The following CRPPA variants were observed in gnomAD, a reference collection of about 807,000 sequenced individuals.
CRPPA encodes the protein D-ribitol-5-phosphate cytidylyltransferase.
A neutral mutation model predicts 52.0 loss-of-function variants in CRPPA; 43 were observed. That is an observed-to-expected ratio of 0.83 (90% CI 0.65 to 1.07). The LOEUF (loss-of-function observed/expected upper bound fraction) is 1.07, where lower values mean the gene tolerates loss of function less well. Ranked by LOEUF, CRPPA falls within the 50% of genes least tolerant of loss-of-function variation. The pLI is 0.00. For synonymous variants in CRPPA, 250 were observed against 203.5 expected, an observed-to-expected ratio of 1.23 and a Z score of -1.94; for missense variants, 629 against 551.7, an observed-to-expected ratio of 1.14 and a Z score of -1.40.
intron 2 of CRPPA, among the ~76,000 whole-genome samples, chr7:16,385,094 A>G (rs754455865): frequency 6.6e-6 from 1 of 152,224 alleles, no homozygotes; most frequent in Non-Finnish European, 1.5e-5. Flanking sequence ...ACTTACACTT[A>G]GATAAATAGA....
chr7:16,376,052 T>A, intron 3 of CRPPA, 40 bp downstream of exon 3: 2 of 1,538,864 alleles, frequency 1.3e-6, no homozygotes, highest in Non-Finnish European at 1.8e-6. Flanking sequence ...TTGGGGAACC[T>A]GACATAACAG....
chr7:16,364,759 C>T (rs962473547), intron 3 of CRPPA, among the ~76,000 whole-genome samples: 4 of 152,086 alleles, frequency 2.6e-5, no homozygotes, highest in African/African-American at 4.8e-5. Flanking sequence ...AAATTAAAAT[C>T]TGCCCATCAA....
At chr7:16,114,669 G>C (rs1418566260) in intron 9 of CRPPA, among the ~76,000 whole-genome samples, 1 of 151,896 alleles carries the variant, frequency 6.6e-6, no homozygotes, top group African/African-American at 2.4e-5. Flanking sequence ...CAAGGGAGAA[G>C]AAATATTTGG....
chr7:16,231,776 AC>A (rs1230759456), intron 8 of CRPPA, among the ~76,000 whole-genome samples: 2 of 152,204 alleles, frequency 1.3e-5, no homozygotes, highest in Non-Finnish European at 2.9e-5. Flanking sequence ...TTGTCTTTCT[AC>A]CTCAACCAAC....
chr7:16,089,681 C>G lies in CRPPA; in HGVS notation c.*2014G>C, dbSNP rs947107443. 5.1e-6 allele frequency: 1 copy of G among 195,882 alleles called. No individual in the cohort carries two copies. The highest frequency in any genetic ancestry group is 2.3e-5 in the African/African-American group (1 of 43,322). The allele number at this position is 195,882 out of a possible 1,614,324, so 12.1% of individuals were successfully genotyped here. A position where few individuals can be genotyped will look rare whatever the true frequency, so the allele number is the denominator to read the frequency against. On this transcript the variant is annotated 3_prime_UTR_variant, in exon 10 of 10. Transcript: ENST00000407010. ...GAATTGCTTTGCCTGCTATGAAGGA[C>G]CAAATGCTATTTTTTCCAGGCACAA...
chr7:16,283,775 C>T (rs966031230), intron 5 of CRPPA, among the ~76,000 whole-genome samples: 4 of 151,834 alleles, frequency 2.6e-5, no homozygotes, highest in Admixed American at 2.0e-4. Context: ...CCCAAACCCA[C>T]ACAAATACTA....
At chr7:16,119,389 TA>T (rs71007744) in intron 9 of CRPPA, among the ~76,000 whole-genome samples, 12 of 149,858 alleles carry the variant, frequency 8.0e-5, no homozygotes, top group African/African-American at 3.0e-4. Context: ...AAAAAAAAAT[TA>T]AAAAAAATGC....
At chr7:16,365,301 T>C (rs774844113) in intron 3 of CRPPA, among the ~76,000 whole-genome samples, 1 of 152,152 alleles carries the variant, frequency 6.6e-6, no homozygotes, top group Non-Finnish European at 1.5e-5. Flanking sequence ...GAGGTAACAA[T>C]ACAACATTTT....
At chr7:16,226,546 G>A (rs1782656361) in intron 8 of CRPPA, among the ~76,000 whole-genome samples, 1 of 151,748 alleles carries the variant, frequency 6.6e-6, no homozygotes, top group African/African-American at 2.4e-5. Context: ...GTAGACATTA[G>A]CCATATACTG....
Position 16,170,712 on chromosome 7 carries a change from C to T in CRPPA, c.1251+45354G>A, listed in dbSNP as rs970088346. Among the ~76,000 whole-genome samples, 5 of 152,164 alleles carry T rather than the reference C, an allele frequency of 3.3e-5. 1 individual carries two copies. The highest frequency in any genetic ancestry group is 4.1e-4 in the South Asian group (2 of 4,830). Reference sequence around the variant, plus strand: ...CATGGGCATGGTGGGCTGCAGGTCCCGAGCCCTGCCCTGCAGGGAGGCAGC... The same window carrying T: ...CATGGGCATGGTGGGCTGCAGGTCCTGAGCCCTGCCCTGCAGGGAGGCAGC... On this transcript the variant is annotated intron_variant, in intron 9 of 9. Transcript: ENST00000407010.
chr7:16,148,525 A>G (rs1329410574), intron 9 of CRPPA, among the ~76,000 whole-genome samples: 1 of 152,178 alleles, frequency 6.6e-6, no homozygotes, highest in African/African-American at 2.4e-5. Context: ...TAAGTGAAAT[A>G]AGTCAGGCAC....
intron 8 of CRPPA, among the ~76,000 whole-genome samples, chr7:16,221,182 C>T (rs1420196791): frequency 6.6e-6 from 1 of 152,114 alleles, no homozygotes; most frequent in East Asian, 1.9e-4. Context: ...CTGAGAAAAA[C>T]AAGCAATGGG....
chr7:16,225,216 C>G (rs1044372455), intron 8 of CRPPA, among the ~76,000 whole-genome samples: 4 of 151,850 alleles, frequency 2.6e-5, no homozygotes, highest in African/African-American at 9.7e-5. Flanking sequence ...TTCAAAAGAT[C>G]AAAGTAATGA....
intron 3 of CRPPA, among the ~76,000 whole-genome samples, chr7:16,371,188 C>T (rs1786740137): frequency 1.3e-5 from 2 of 152,164 alleles, no homozygotes; most frequent in Admixed American, 6.5e-5. Flanking sequence ...AGTATTACAT[C>T]TACTCACTTG....
At chr7:16,378,918 A>C (rs933309694) in intron 2 of CRPPA, among the ~76,000 whole-genome samples, 17 of 152,236 alleles carry the variant, frequency 1.1e-4, no homozygotes, top group African/African-American at 3.6e-4. Flanking sequence ...TCTTTTGAGA[A>C]GTGTCTGTTC....
chr7:16,317,217 C>A (rs181845600), intron 3 of CRPPA, among the ~76,000 whole-genome samples: 43 of 152,220 alleles, frequency 2.8e-4, no homozygotes, highest in Admixed American at 7.2e-4. Context: ...AGACTCTGGA[C>A]AAGCTATTCA....
intron 2 of CRPPA, among the ~76,000 whole-genome samples, chr7:16,387,459 T>A (rs1203698888): frequency 1.3e-5 from 2 of 152,034 alleles, no homozygotes; most frequent in East Asian, 1.9e-4. Flanking sequence ...AATTTTCACT[T>A]ACTACAAAAG....
chr7:16,128,423 G>C (rs1345552037), intron 9 of CRPPA, among the ~76,000 whole-genome samples: 2 of 152,078 alleles, frequency 1.3e-5, no homozygotes, highest in African/African-American at 4.8e-5. Context: ...GATGCCTGTA[G>C]TTAGGGAAAT....
At chr7:16,168,486 T>A (rs2128384465) in intron 9 of CRPPA, among the ~76,000 whole-genome samples, 1 of 151,466 alleles carries the variant, frequency 6.6e-6, no homozygotes, top group East Asian at 1.9e-4. Context: ...TCTAATTAAG[T>A]CTGAATAAAT....
Sources: gnomAD v4.1 joint callset for allele counts (sites outside exome capture counted in the v4.1 genomes callset) on GRCh38, gnomAD v4.1.1 for gene constraint, MANE v1.5 for transcripts, NCBI Gene and HGNC (gene_info 2026-07-23, HGNC 2026-07-21) for gene names.